The following PMS1 variants were observed in gnomAD, a reference collection of about 807,000 sequenced individuals.
PMS1 encodes PMS1 homolog 1, mismatch repair system component, also known as PMS1 protein homolog 1.
PMS1 carries 79 observed loss-of-function variants against 93.1 expected under a neutral mutation model. That is an observed-to-expected ratio of 0.85 (90% confidence interval 0.71 to 1.02). The LOEUF is 1.02. Ranked by LOEUF, PMS1 falls within the 50% of genes least tolerant of loss-of-function variation. PMS1 has a pLI of 0.00. For missense variants in PMS1, 1,064 were observed against 1,085.3 expected, an observed-to-expected ratio of 0.98 and a Z score of 0.28; for synonymous variants, 335 against 363.4, an observed-to-expected ratio of 0.92 and a Z score of 0.89.
intron 5 of PMS1, among the ~76,000 whole-genome samples, chr2:189,831,569 C>G (rs1049936819): frequency 5.9e-5 from 9 of 152,082 alleles, no homozygotes; most frequent in African/African-American, 2.2e-4. Flanking sequence ...ATACTGCATC[C>G]TTTTTTAAAC....
chr2:189,860,332 C>G (rs1355986914), intron 9 of PMS1, among the ~76,000 whole-genome samples: 2 of 152,092 alleles, frequency 1.3e-5, no homozygotes, highest in African/African-American at 4.8e-5. Flanking sequence ...GTGATGTATA[C>G]TCTTTCATAT....
At chr2:189,801,065 C>T (rs1336019012) in intron 3 of PMS1, among the ~76,000 whole-genome samples, 2 of 152,164 alleles carry the variant, frequency 1.3e-5, no homozygotes, top group Admixed American at 1.3e-4. Flanking sequence ...GTCTCACTCT[C>T]TTGTTCAGGC....
At chr2:189,855,799 T>G (rs1254573860) in intron 9 of PMS1, 1 of 583,574 alleles carries the variant, frequency 1.7e-6, no homozygotes, top group East Asian at 1.0e-4. Context: ...TGTTCCAAAA[T>G]AATATGATGA....
At chr2:189,815,912 T>C (rs2051256442) in intron 4 of PMS1, among the ~76,000 whole-genome samples, 1 of 152,102 alleles carries the variant, frequency 6.6e-6, no homozygotes, top group African/African-American at 2.4e-5. Flanking sequence ...TGTCTTTTTT[T>C]CCCCCCTTAG....
intron 3 of PMS1, among the ~76,000 whole-genome samples, chr2:189,797,196 A>G (rs900317739): frequency 4.6e-5 from 7 of 152,176 alleles, no homozygotes; most frequent in African/African-American, 1.4e-4. Context: ...CGGTACAGTT[A>G]GTGAGATTAC....
intron 5 of PMS1, among the ~76,000 whole-genome samples, chr2:189,833,974 T>A (rs2106380173): frequency 6.6e-6 from 1 of 152,348 alleles, no homozygotes; most frequent in South Asian, 2.1e-4. Context: ...TTTCCAGTTC[T>A]GACCTTACAT....
chr2:189,873,450 T>C, intron 11 of PMS1, 46 bp from the exon 12 acceptor site: 4 of 1,369,598 alleles, frequency 2.9e-6, no homozygotes, highest in Non-Finnish European at 4.2e-6. Flanking sequence ...ATGGACATGT[T>C]CTGGAATATG....
At chr2:189,867,316 C>G (rs578215672) in intron 10 of PMS1, among the ~76,000 whole-genome samples, 1 of 152,154 alleles carries the variant, frequency 6.6e-6, no homozygotes, top group Non-Finnish European at 1.5e-5. Flanking sequence ...GCAAACATGC[C>G]AGACCTGCAG....
chr2:189,814,780 A>G (rs1043129538), intron 4 of PMS1, among the ~76,000 whole-genome samples: 21 of 152,140 alleles, frequency 1.4e-4, no homozygotes, highest in Non-Finnish European at 2.1e-4. Context: ...TGGATAGGGC[A>G]TTTAAGGATG....
chr2:189,864,169 T>C lies in PMS1; in HGVS notation c.2283T>C (p.Leu761=), dbSNP rs150341545. 1.4e-3 allele frequency: 2,228 copies of C among 1,610,726 alleles called. 6 individuals are homozygous for C. Among genetic ancestry groups the C allele is most frequent in the Non-Finnish European group, 1.6e-3 (1,830 of 1,177,412 alleles). ...AAGAAGCCCTGCTATTTAAAAGACT[T>C]CTTGAGAATCATAAACTTCCTGCAG... ...RVEEALLFKR[L]LENHKLPAEP... The change falls in exon 10 of 13, where the codon CTT becomes CTC. Residue 761 remains leucine, a synonymous_variant. Transcript: ENST00000441310.
intron 9 of PMS1, among the ~76,000 whole-genome samples, chr2:189,858,496 A>G (rs1242185388): frequency 6.6e-6 from 1 of 152,180 alleles, no homozygotes; most frequent in Non-Finnish European, 1.5e-5. Flanking sequence ...CAACAGTAGC[A>G]GCTGCTTTTA....
At chr2:189,786,164 C>T (rs2048330143) in intron 1 of PMS1, among the ~76,000 whole-genome samples, 2 of 151,886 alleles carry the variant, frequency 1.3e-5, no homozygotes, top group Non-Finnish European at 2.9e-5. Flanking sequence ...GTATGATCGC[C>T]CTAGAGCACA....
intron 2 of PMS1, among the ~76,000 whole-genome samples, chr2:189,792,328 A>G (rs1440178825): frequency 6.6e-6 from 1 of 152,120 alleles, no homozygotes; most frequent in Non-Finnish European, 1.5e-5. Flanking sequence ...TAAGTGCTGT[A>G]TATTAAATCA....
chr2:189,811,355 A>C (rs879666184), intron 4 of PMS1, among the ~76,000 whole-genome samples: 76 of 152,016 alleles, frequency 5.0e-4, no homozygotes, highest in Non-Finnish European at 9.0e-4. Context: ...TGGGAGGCCA[A>C]GGTGGGCAGA....
chr2:189,845,930 G>T (rs762763264), intron 6 of PMS1, among the ~76,000 whole-genome samples: 1 of 151,916 alleles, frequency 6.6e-6, no homozygotes, highest in African/African-American at 2.4e-5. Context: ...TACCATGTTG[G>T]CCGGGCTGGT....
chr2:189,860,260 T>A (rs534927723), intron 9 of PMS1, among the ~76,000 whole-genome samples: 1 of 152,326 alleles, frequency 6.6e-6, no homozygotes, highest in South Asian at 2.1e-4. Context: ...GCCACTCTTT[T>A]GAGTTTTGTT....
intron 5 of PMS1, among the ~76,000 whole-genome samples, chr2:189,836,676 C>G (rs2053409356): frequency 6.6e-6 from 1 of 152,136 alleles, no homozygotes; most frequent in Non-Finnish European, 1.5e-5. Flanking sequence ...TGTTGGCAGA[C>G]CGCTATTATT....
chr2:189,815,923 A>C (rs749208472), intron 4 of PMS1, among the ~76,000 whole-genome samples: 3 of 152,076 alleles, frequency 2.0e-5, no homozygotes, highest in Non-Finnish European at 2.9e-5. Context: ...CCCCCCTTAG[A>C]AACAGGGTTT....
At chr2:189,846,877 T>C (rs74394289) in intron 6 of PMS1, among the ~76,000 whole-genome samples, 3 of 151,514 alleles carry the variant, frequency 2.0e-5, no homozygotes, top group African/African-American at 7.3e-5. Flanking sequence ...TTTTTTTTTT[T>C]CTGAGACAGT....
Sources: allele counts gnomAD v4.1 joint callset (sites outside exome capture counted in the v4.1 genomes callset), GRCh38; gene constraint gnomAD v4.1.1; transcripts MANE v1.5; gene names NCBI Gene and HGNC (gene_info 2026-07-23, HGNC 2026-07-21).